DIS3L2: variants seen among roughly 807,000 people sequenced by gnomAD.
DIS3L2 encodes DIS3 like 3'-5' exoribonuclease 2.
A neutral mutation model predicts 97.5 loss-of-function variants in DIS3L2; 34 were observed. The observed-to-expected ratio is 0.35, with a 90% CI of 0.27 to 0.46. DIS3L2 has a LOEUF of 0.46. Ranked by LOEUF, DIS3L2 falls within the 20% of genes least tolerant of loss-of-function variation. The pLI is 1.00. For missense variants in DIS3L2, 1,038 were observed against 1,146.0 expected (o/e 0.91, Z 1.36); for synonymous variants, 435 against 445.2 (o/e 0.98, Z 0.29).
At chr2:232,200,403 A>G (rs1691857714) in intron 9 of DIS3L2, among the ~76,000 whole-genome samples, 1 of 152,164 alleles carries the variant, frequency 6.6e-6, no homozygotes, top group South Asian at 2.1e-4. Flanking sequence ...ACCAGAAGGA[A>G]TTTGGGCTCC....
intron 9 of DIS3L2, among the ~76,000 whole-genome samples, chr2:232,188,825 A>G (rs1291484279): frequency 6.6e-6 from 1 of 152,166 alleles, no homozygotes; most frequent in Non-Finnish European, 1.5e-5. Context: ...GGGAGAAAAT[A>G]TTTGTAAACC....
intron 5 of DIS3L2, among the ~76,000 whole-genome samples, chr2:232,069,204 C>A (rs1349571063): frequency 6.6e-6 from 1 of 152,136 alleles, no homozygotes; most frequent in Non-Finnish European, 1.5e-5. Flanking sequence ...AGTCTCTCCA[C>A]ACATAAAATC....
chr2:232,120,523 C>T (rs192957551), intron 6 of DIS3L2, among the ~76,000 whole-genome samples: 16 of 152,238 alleles, frequency 1.1e-4, no homozygotes, highest in African/African-American at 3.6e-4. Flanking sequence ...GTGCAGGTGA[C>T]GGGCTCAATG....
At chr2:232,024,699 G>A (rs1574820145) in intron 4 of DIS3L2, among the ~76,000 whole-genome samples, 1 of 151,756 alleles carries the variant, frequency 6.6e-6, no homozygotes, top group African/African-American at 2.4e-5. Flanking sequence ...ATCTACTTTG[G>A]ATCTACTGCA....
At chr2:232,250,450 G>C (rs1693386032) in intron 12 of DIS3L2, among the ~76,000 whole-genome samples, 1 of 151,686 alleles carries the variant, frequency 6.6e-6, no homozygotes, top group Non-Finnish European at 1.5e-5. Context: ...TGACTTAGCA[G>C]TCCTGAGAAA....
At chr2:232,190,254 A>G (rs1209716671) in intron 9 of DIS3L2, among the ~76,000 whole-genome samples, 2 of 152,114 alleles carry the variant, frequency 1.3e-5, no homozygotes, top group African/African-American at 4.8e-5. Flanking sequence ...GGATCACCTG[A>G]GCCCAGAAGG....
intron 11 of DIS3L2, among the ~76,000 whole-genome samples, chr2:232,244,383 T>A (rs1270330166): frequency 6.6e-6 from 1 of 152,156 alleles, no homozygotes; most frequent in Non-Finnish European, 1.5e-5. Flanking sequence ...CCTTGCTTAT[T>A]TAACTTGGGA....
rs11686343 is a variant in DIS3L2 at position 232,281,170 on chromosome 2, C to A, written c.1659+17730C>A. Among the ~76,000 whole-genome samples the A allele has an allele frequency of 6.6e-6, 1 of 152,088 alleles. No homozygotes were observed. Among genetic ancestry groups the A allele is most frequent in the Non-Finnish European group, 1.5e-5 (1 of 68,016 alleles). On this transcript the variant is annotated intron_variant, in intron 13 of 20. Coordinates refer to ENST00000325385, the MANE Select transcript of DIS3L2 (RefSeq NM_152383.5). This position sits in a 1 kb window ranked among gnomAD's most constrained non-coding sequence, Gnocchi z 4.1. ...AACCCAGCACTTTGGGAGGCCGAGG[C>A]GGGTGGATCACAAGGTCAGGAGATC...
chr2:232,138,250 A>G (rs762936554), intron 8 of DIS3L2, among the ~76,000 whole-genome samples: 7 of 152,146 alleles, frequency 4.6e-5, no homozygotes, highest in Non-Finnish European at 7.3e-5. Flanking sequence ...TGAAGGTAAA[A>G]TACAACAAAA....
At chr2:232,215,652 CTG>C (rs926133031) in intron 10 of DIS3L2, among the ~76,000 whole-genome samples, 5 of 152,182 alleles carry the variant, frequency 3.3e-5, no homozygotes, top group African/African-American at 1.2e-4. Context: ...CCCCAAATGG[CTG>C]TGTTTGTCAC....
At chr2:232,283,568 A>T (rs1694351357) in intron 13 of DIS3L2, among the ~76,000 whole-genome samples, 1 of 152,064 alleles carries the variant, frequency 6.6e-6, no homozygotes, top group Non-Finnish European at 1.5e-5. Context: ...GACTAGGCCC[A>T]GTCTATTTCT....
At chr2:232,108,207 G>C (rs1490804461) in intron 6 of DIS3L2, among the ~76,000 whole-genome samples, 2 of 152,150 alleles carry the variant, frequency 1.3e-5, no homozygotes, top group Non-Finnish European at 2.9e-5. Flanking sequence ...TGGGATGCAA[G>C]GCTGGTTCAA....
chr2:232,002,767 TC>T lies in DIS3L2; in HGVS notation c.-93-12065del, dbSNP rs113383975. Among the ~76,000 whole-genome samples the T allele has an allele frequency of 4.2e-3, 640 of 152,340 alleles. 5 individuals carry two copies. Among genetic ancestry groups the T allele is most frequent in the African/African-American group, 0.014 (585 of 41,586 alleles). On this transcript the variant is annotated intron_variant, in intron 1 of 20. Coordinates refer to ENST00000325385, the MANE Select transcript of DIS3L2 (RefSeq NM_152383.5). Reference sequence around the variant, plus strand: ...TTATCACCTGCCTCCCTTTCACTGTTCCCATCTACTCACTGTAGGTAGCCAG... The same window carrying T: ...TTATCACCTGCCTCCCTTTCACTGTTCCATCTACTCACTGTAGGTAGCCAG...
chr2:232,005,599 A>G (rs999396319), intron 1 of DIS3L2, among the ~76,000 whole-genome samples: 1 of 152,064 alleles, frequency 6.6e-6, no homozygotes, highest in African/African-American at 2.4e-5. Flanking sequence ...AATTCCCCCT[A>G]CTAATACCAG....
At chr2:232,000,729 T>TC (rs1693870792) in intron 1 of DIS3L2, among the ~76,000 whole-genome samples, 2 of 144,794 alleles carry the variant, frequency 1.4e-5, no homozygotes, top group South Asian at 2.2e-4. Flanking sequence ...CTTCTTCTTT[T>TC]TTTTTTTTTT....
At chr2:232,287,923 C>A (rs1036629459) in intron 13 of DIS3L2, among the ~76,000 whole-genome samples, 1 of 152,130 alleles carries the variant, frequency 6.6e-6, no homozygotes, top group African/African-American at 2.4e-5. Flanking sequence ...TTCAGGTAAC[C>A]CCAGGTATGG....
In DIS3L2 at chr2:232,336,652, G is replaced by A. The variant is rs753027094; in HGVS notation, c.*22G>A. On this transcript the variant is annotated 3_prime_UTR_variant, in exon 21 of 21. Coordinates refer to ENST00000325385, the MANE Select transcript of DIS3L2 (RefSeq NM_152383.5). ...CTGAGCTCCACCAGCCGCCTGCCCC[G>A]CCTGCCCCGCCTGCCTGTCCCGCCA... is the stretch of plus-strand genomic sequence containing the variant. 31 of 1,540,132 alleles carry A rather than the reference G, an allele frequency of 2.0e-5. No individual in the cohort carries two copies. The highest frequency in any genetic ancestry group is 2.5e-5 in the Non-Finnish European group (29 of 1,146,630).
At chr2:231,986,871 T>C (rs1163797025) in intron 1 of DIS3L2, among the ~76,000 whole-genome samples, 2 of 152,240 alleles carry the variant, frequency 1.3e-5, no homozygotes, top group Non-Finnish European at 2.9e-5. Flanking sequence ...GGAAACTATT[T>C]TCTATATTGG....
chr2:231,990,729 A>G (rs150942240), intron 1 of DIS3L2, among the ~76,000 whole-genome samples: 26 of 152,280 alleles, frequency 1.7e-4, no homozygotes, highest in African/African-American at 6.0e-4. Flanking sequence ...AAACTCTGGT[A>G]CTTCAGTGGC....
Sources: allele counts gnomAD v4.1 joint callset (sites outside exome capture counted in the v4.1 genomes callset), GRCh38; gene constraint gnomAD v4.1.1; non-coding constraint Gnocchi (gnomAD v3.1); transcripts MANE v1.5; gene names NCBI Gene and HGNC (gene_info 2026-07-23, HGNC 2026-07-21).